Variants in ZNF143 observed in about 807,000 individuals in gnomAD.
The protein encoded by ZNF143 is zinc finger protein 143.
In ZNF143, 49 loss-of-function variants were observed where a neutral mutation model predicts 74.1. The ratio of observed to expected loss-of-function variants is 0.66; its 90% confidence interval spans 0.53 to 0.84. The LOEUF is 0.84. ZNF143 is among the 40% of genes least tolerant of loss of function. ZNF143 has a pLI of 0.00. For missense variants in ZNF143, 637 were observed against 793.4 expected (o/e 0.80, Z 2.37); for synonymous variants, 304 against 282.8 (o/e 1.07, Z -0.75).
At chr11:9,525,667 A>G (rs111965476) in intron 15 of ZNF143, among the ~76,000 whole-genome samples, 21 of 152,108 alleles carry the variant, frequency 1.4e-4, no homozygotes, top group Non-Finnish European at 2.9e-4. Flanking sequence ...TTTACTCTCA[A>G]AATAAAAGTC....
Position 9,477,565 on chromosome 11 carries a change from C to CT in ZNF143, c.374-822dup, listed in dbSNP as rs1857011627. ...CCACCACAAAAGGCCGCACTTTTTT[C>CT]TTTATCAATAAGAGTTAGTCACAGG... On this transcript the variant is annotated intron_variant, in intron 5 of 15. Transcript: ENST00000396602. Among the ~76,000 whole-genome samples the CT allele has an allele frequency of 2.6e-5, 4 of 152,060 alleles. No homozygotes were observed. In the Middle Eastern group the frequency reaches 0.014, roughly 517 times the overall value.
chr11:9,471,387 AC>A lies in ZNF143; in HGVS notation c.80del (p.Thr27SerfsTer4). 1 of 1,612,548 alleles carries A rather than the reference AC, an allele frequency of 6.2e-7. No individual in the cohort carries two copies. Among genetic ancestry groups the A allele is most frequent in the Non-Finnish European group, 8.5e-7 (1 of 1,179,438 alleles). Reference sequence around the variant, plus strand: ...AGGAGGGATGGAGGCGCAACATGTTACGCTGTGCTTGACAGAGGCAGTCACC... The same window carrying A: ...AGGAGGGATGGAGGCGCAACATGTTAGCTGTGCTTGACAGAGGCAGTCACC... The part of the protein sequence containing the change: ...PGGGMEAQHV[T>X]LCLTEAVTVA... On this transcript the variant is annotated frameshift_variant, in exon 2 of 16. Coordinates refer to ENST00000396602, the MANE Select transcript of ZNF143 (RefSeq NM_003442.6). LOFTEE classifies it high-confidence loss of function.
intron 3 of ZNF143, chr11:9,473,665 C>A: frequency 1.2e-6 from 1 of 801,190 alleles, no homozygotes; most frequent in Non-Finnish European, 1.9e-6. Context: ...AGGTATAAAG[C>A]AGTCCAACTC....
intron 10 of ZNF143, among the ~76,000 whole-genome samples, chr11:9,499,746 A>G (rs1848090644): frequency 6.6e-6 from 1 of 152,180 alleles, no homozygotes; most frequent in South Asian, 2.1e-4. Flanking sequence ...CTATATATAG[A>G]TAAATATCTG....
chr11:9,501,309 G>A (rs747117037), intron 11 of ZNF143, 39 bp downstream of exon 11: 7 of 1,602,738 alleles, frequency 4.4e-6, no homozygotes, highest in Non-Finnish European at 6.0e-6. Context: ...ATCTTTCAAG[G>A]CTCAGTTTAA....
chr11:9,488,952 A>C (rs1847666469), intron 7 of ZNF143, among the ~76,000 whole-genome samples: 1 of 152,182 alleles, frequency 6.6e-6, no homozygotes, highest in South Asian at 2.1e-4. Context: ...ATTGGAGATA[A>C]AGATCTTTGC....
In ZNF143 at chr11:9,487,913, C is replaced by T. The variant is rs76185640; in HGVS notation, c.646-6733C>T. On this transcript the variant is annotated intron_variant, in intron 7 of 15. Coordinates refer to ENST00000396602, the MANE Select transcript of ZNF143 (RefSeq NM_003442.6). The stretch of plus-strand genomic sequence containing the variant: ...TAGCTTTTGAGTTTTGGATTCTGTC[C>T]ATTTTTTCCCCTAAAACATCTGTAG... Among the ~76,000 whole-genome samples, 756 of 152,180 alleles carry T rather than the reference C, an allele frequency of 5.0e-3. 9 individuals are homozygous for T. The highest frequency in any genetic ancestry group is 0.017 in the African/African-American group (716 of 41,526).
In ZNF143 at chr11:9,478,373, C is replaced by T. The variant is rs893199264; in HGVS notation, c.374-17C>T. The T allele has an allele frequency of 5.6e-6, 9 of 1,594,048 alleles. No individual in the cohort carries two copies. The highest frequency in any genetic ancestry group is 5.4e-5 in the African/African-American group (4 of 74,584). On this transcript the variant is annotated splice_polypyrimidine_tract_variant and intron_variant, in intron 5 of 15. Transcript: ENST00000396602. ...ATTTTACCTTTAATTTAATGGCATT[C>T]TCTTCCACTCTCTCAGATAGTTATG... is the stretch of plus-strand genomic sequence containing the variant.
At chr11:9,465,629 A>C (rs1016307207) in intron 1 of ZNF143, among the ~76,000 whole-genome samples, 1 of 146,730 alleles carries the variant, frequency 6.8e-6, no homozygotes, top group African/African-American at 2.5e-5. Context: ...CCTCCCTAGT[A>C]GCTGGGACTA....
At chr11:9,474,504 A>T in intron 4 of ZNF143, 46 bp from the exon 5 acceptor site, 3 of 1,587,390 alleles carry the variant, frequency 1.9e-6, no homozygotes, top group Non-Finnish European at 2.6e-6. Flanking sequence ...AGTTAATTGG[A>T]ATGTGCTAGA....
intron 5 of ZNF143, among the ~76,000 whole-genome samples, chr11:9,475,286 G>C (rs1164681495): frequency 6.6e-6 from 1 of 152,050 alleles, no homozygotes; most frequent in African/African-American, 2.4e-5. Flanking sequence ...CTGTATTTTA[G>C]AGATAAGATC....
intron 7 of ZNF143, among the ~76,000 whole-genome samples, chr11:9,490,508 A>G (rs1003309187): frequency 6.6e-6 from 1 of 150,626 alleles, no homozygotes; most frequent in Non-Finnish European, 1.5e-5. Context: ...CTGGTTTCCA[A>G]CTCCTGGGCT....
intron 7 of ZNF143, among the ~76,000 whole-genome samples, chr11:9,492,642 A>G (rs913146633): frequency 4.6e-5 from 7 of 152,226 alleles, no homozygotes; most frequent in African/African-American, 1.7e-4. Flanking sequence ...TCTTAATTTT[A>G]GAACTTTAAA....
intron 1 of ZNF143, among the ~76,000 whole-genome samples, chr11:9,466,221 G>A (rs1274050485): frequency 6.6e-6 from 1 of 151,712 alleles, no homozygotes; most frequent in African/African-American, 2.4e-5. Context: ...GACCTTAGGT[G>A]ATCCACCCAT....
chr11:9,483,769 G>A (rs944764522), intron 7 of ZNF143, among the ~76,000 whole-genome samples: 15 of 72,808 alleles, frequency 2.1e-4, no homozygotes, highest in African/African-American at 7.8e-4. Context: ...TTTTTTTTTT[G>A]AGATGGAGTC....
At chr11:9,474,093 C>A in intron 4 of ZNF143, 69 bp downstream of exon 4, 1 of 1,200,848 alleles carries the variant, frequency 8.3e-7, no homozygotes, top group Non-Finnish European at 1.2e-6. Context: ...CTACCTGCAG[C>A]TCCCTCTTAC....
chr11:9,501,675 A>C (rs1391324666), intron 11 of ZNF143, among the ~76,000 whole-genome samples: 1 of 152,108 alleles, frequency 6.6e-6, no homozygotes, highest in Non-Finnish European at 1.5e-5. Context: ...TCAATCCTGA[A>C]GTTTGCCACA....
At chr11:9,478,774 A>G (rs1847122370) in intron 6 of ZNF143, among the ~76,000 whole-genome samples, 188 bp downstream of exon 6, 1 of 152,200 alleles carries the variant, frequency 6.6e-6, no homozygotes, top group Admixed American at 6.5e-5. Context: ...TTGTTTGAGC[A>G]TAGATCCCTG....
intron 1 of ZNF143, chr11:9,461,649 A>AG (rs1290145480): frequency 2.6e-5 from 4 of 152,200 alleles, no homozygotes; most frequent in African/African-American, 9.7e-5. Flanking sequence ...ATTAAAAAAA[A>AG]AAAAAGGTTA....
Sources: gnomAD v4.1 joint callset for allele counts (sites outside exome capture counted in the v4.1 genomes callset) on GRCh38, gnomAD v4.1.1 for gene constraint, MANE v1.5 for transcripts, NCBI Gene and HGNC (gene_info 2026-07-23, HGNC 2026-07-21) for gene names.